Variants in MUC7 observed in about 807,000 individuals in gnomAD.
MUC7 encodes mucin-7.
MUC7 carries 2 observed loss-of-function variants against 2.5 expected under a neutral mutation model. That is an observed-to-expected ratio of 0.81 (90% confidence interval 0.33 to 2.55). The LOEUF is 2.55. MUC7 is among the 30% of genes most tolerant of loss of function. The pLI, the probability that MUC7 is intolerant of heterozygous loss-of-function variation, is 0.11. For missense variants in MUC7, 408 were observed against 455.6 expected (o/e 0.90, Z 0.95); for synonymous variants, 133 against 173.4 (o/e 0.77, Z 1.83).
intron 1 of MUC7, among the ~76,000 whole-genome samples, chr4:70,439,536 A>G (rs1733950186): frequency 6.6e-6 from 1 of 152,198 alleles, no homozygotes; most frequent in African/African-American, 2.4e-5. Flanking sequence ...CATACCTAGT[A>G]AGACTGAACA....
chr4:70,481,147 A>C lies in MUC7; in HGVS notation c.403A>C (p.Asn135His), dbSNP rs1478323483. 6.2e-7 allele frequency: 1 copy of C among 1,614,178 alleles called. No individual in the cohort carries two copies. Among genetic ancestry groups the C allele is most frequent in the Non-Finnish European group, 8.5e-7 (1 of 1,180,030 alleles). The change falls in exon 3 of 3, where the codon AAT becomes CAT. Residue 135 changes from asparagine (N) to histidine (H), a missense_variant. This residue lies in a region of MUC7 where 225 missense variants were observed against 240.5 expected (regional missense o/e 0.94). Transcript: ENST00000304887. ...TLPNVTFLPQNATTISSRENV... is the reference protein window; with the variant it reads ...TLPNVTFLPQHATTISSRENV... ...TCCAAATGTGACTTTTCTTCCCCAGAATGCCACCACCATATCTTCAAGAGA... is the reference window on the plus strand; with the variant it reads ...TCCAAATGTGACTTTTCTTCCCCAGCATGCCACCACCATATCTTCAAGAGA...
chr4:70,451,665 T>C (rs1216344675), intron 1 of MUC7, among the ~76,000 whole-genome samples: 1 of 152,220 alleles, frequency 6.6e-6, no homozygotes, highest in East Asian at 1.9e-4. Flanking sequence ...TTTTAAGACT[T>C]GTTTTGTGAC....
chr4:70,446,203 T>G (rs1282315679), intron 1 of MUC7, among the ~76,000 whole-genome samples: 2 of 152,150 alleles, frequency 1.3e-5, no homozygotes, highest in Middle Eastern at 3.2e-3. Context: ...TTTAAAAATA[T>G]TATAGATACA....
intron 1 of MUC7, among the ~76,000 whole-genome samples, chr4:70,434,913 T>A (rs1215707914): frequency 6.6e-6 from 1 of 152,216 alleles, no homozygotes; most frequent in Non-Finnish European, 1.5e-5. Context: ...TGTGTCTTTG[T>A]TCTCGTTGGT....
At chr4:70,475,520 A>G (rs1734973346) in intron 2 of MUC7, among the ~76,000 whole-genome samples, 1 of 152,174 alleles carries the variant, frequency 6.6e-6, no homozygotes, top group South Asian at 2.1e-4. Flanking sequence ...GAGAAAATGG[A>G]GGACCCACAA....
At chr4:70,479,073 C>T (rs1345800697) in intron 2 of MUC7, among the ~76,000 whole-genome samples, 1 of 152,186 alleles carries the variant, frequency 6.6e-6, no homozygotes, top group African/African-American at 2.4e-5. Flanking sequence ...ATATTTGAAA[C>T]ACACTGCAAC....
intron 1 of MUC7, among the ~76,000 whole-genome samples, chr4:70,432,677 C>A (rs1215976234): frequency 1.3e-5 from 2 of 152,026 alleles, no homozygotes; most frequent in African/African-American, 4.8e-5. Flanking sequence ...TCCCATTCTG[C>A]AGGTTGCCTG....
At chr4:70,465,788 T>C (rs1734669078) in intron 1 of MUC7, among the ~76,000 whole-genome samples, 2 of 152,172 alleles carry the variant, frequency 1.3e-5, no homozygotes, top group African/African-American at 4.8e-5. Flanking sequence ...TACATGAAAG[T>C]GATGGGGAGA....
intron 1 of MUC7, among the ~76,000 whole-genome samples, chr4:70,434,293 T>C (rs1284937873): frequency 6.6e-6 from 1 of 152,210 alleles, no homozygotes; most frequent in Non-Finnish European, 1.5e-5. Flanking sequence ...TCAGAAAGAA[T>C]GGTACCAGCT....
chr4:70,468,078 C>G (rs1409666029), upstream of MUC7, among the ~76,000 whole-genome samples: 1 of 152,126 alleles, frequency 6.6e-6, no homozygotes, highest in Non-Finnish European at 1.5e-5. Flanking sequence ...CTGGCTTTAC[C>G]CCGGGATGCA....
intron 1 of MUC7, among the ~76,000 whole-genome samples, chr4:70,445,431 A>T (rs1577901085): frequency 6.6e-6 from 1 of 152,228 alleles, no homozygotes; most frequent in Non-Finnish European, 1.5e-5. Flanking sequence ...GCCATAGAAG[A>T]TTATGTAAGC....
At chr4:70,432,787 G>A (rs1055680001) in intron 1 of MUC7, among the ~76,000 whole-genome samples, 3 of 152,172 alleles carry the variant, frequency 2.0e-5, no homozygotes, top group African/African-American at 7.2e-5. Flanking sequence ...TTTTGGTGTA[G>A]ACATGAAGTC....
intron 1 of MUC7, among the ~76,000 whole-genome samples, chr4:70,455,058 CT>C (rs1297493221): frequency 6.6e-6 from 1 of 151,860 alleles, no homozygotes; most frequent in Non-Finnish European, 1.5e-5. Flanking sequence ...CATTCCAAGG[CT>C]TTTTATGCCT....
intron 1 of MUC7, among the ~76,000 whole-genome samples, chr4:70,461,983 A>G (rs1273424726): frequency 2.0e-5 from 3 of 152,190 alleles, no homozygotes; most frequent in Non-Finnish European, 4.4e-5. Context: ...ACGCCAAGGC[A>G]GGAAGATCAC....
chr4:70,432,744 C>T (rs1402928074), intron 1 of MUC7, among the ~76,000 whole-genome samples: 1 of 152,094 alleles, frequency 6.6e-6, no homozygotes, highest in Non-Finnish European at 1.5e-5. Context: ...TAATTAGATC[C>T]CATTTGTCAA....
chr4:70,457,222 T>C (rs1232839357), intron 1 of MUC7, among the ~76,000 whole-genome samples: 1 of 152,158 alleles, frequency 6.6e-6, no homozygotes, highest in African/African-American at 2.4e-5. Flanking sequence ...GGGGGAGGAC[T>C]GCTTGAGGCA....
chr4:70,435,544 C>T (rs1323485163), intron 1 of MUC7, among the ~76,000 whole-genome samples: 1 of 152,142 alleles, frequency 6.6e-6, no homozygotes, highest in East Asian at 1.9e-4. Context: ...TTCTTGCTTT[C>T]CATTTCCTTG....
chr4:70,467,476 T>C (rs1430015357), upstream of MUC7, among the ~76,000 whole-genome samples: 1 of 152,176 alleles, frequency 6.6e-6, no homozygotes, highest in Admixed American at 6.5e-5. Context: ...CAGGAGTTGG[T>C]TTTTTGAAAA....
intron 1 of MUC7, among the ~76,000 whole-genome samples, chr4:70,466,626 A>C (rs531176686): frequency 2.0e-5 from 3 of 152,332 alleles, no homozygotes. Context: ...TCTCTGATAA[A>C]ACAGACTTTA....
Sources: gnomAD v4.1 joint callset for allele counts (sites outside exome capture counted in the v4.1 genomes callset) on GRCh38, gnomAD v4.1.1 for gene constraint, gnomAD v4.1.1 regional missense constraint, MANE v1.5 for transcripts, NCBI Gene and HGNC (gene_info 2026-07-23, HGNC 2026-07-21) for gene names.